Variants in CIPC observed in about 807,000 individuals in gnomAD.
The protein encoded by CIPC is CLOCK-interacting pacemaker.
A neutral mutation model predicts 26.7 loss-of-function variants in CIPC; 12 were observed. The observed-to-expected ratio is 0.45, with a 90% confidence interval of 0.29 to 0.73. The LOEUF is 0.73. Ranked by LOEUF, CIPC falls within the 30% of genes least tolerant of loss-of-function variation. The probability of loss-of-function intolerance (pLI) is 0.12; values close to 1 mark genes in which losing one functional copy is unlikely to be tolerated. For synonymous variants in CIPC, 170 were observed against 189.8 expected, an observed-to-expected ratio of 0.90 and a Z score of 0.86; for missense variants, 417 against 486.5, an observed-to-expected ratio of 0.86 and a Z score of 1.34.
intron 1 of CIPC, among the ~76,000 whole-genome samples, chr14:77,105,173 T>C (rs1886567685): frequency 6.6e-6 from 1 of 151,610 alleles, no homozygotes; most frequent in Non-Finnish European, 1.5e-5. Context: ...AACACAACAC[T>C]GTGGGAGGTG....
At chr14:77,108,958 G>C (rs1028536350) in intron 2 of CIPC, among the ~76,000 whole-genome samples, 1 of 151,964 alleles carries the variant, frequency 6.6e-6, no homozygotes, top group Non-Finnish European at 1.5e-5. Flanking sequence ...GCACTTCTTT[G>C]CTTTCTGGGA....
intron 1 of CIPC, among the ~76,000 whole-genome samples, chr14:77,102,289 G>A (rs569038568): frequency 3.3e-5 from 5 of 152,172 alleles, no homozygotes; most frequent in Admixed American, 1.3e-4. Context: ...TTTCTTTATG[G>A]CCAGGAAGTC....
Position 77,115,741 on chromosome 14 carries a change from A to C in CIPC, c.*1423A>C, listed in dbSNP as rs535826015. 1 of 151,112 alleles carries C rather than the reference A, an allele frequency of 6.6e-6. No individual in the cohort carries two copies. The highest frequency in any genetic ancestry group is 1.9e-4 in the East Asian group (1 of 5,148). The allele number at this position is 151,112 out of a possible 1,614,324, so 9.4% of individuals were successfully genotyped here. On this transcript the variant is annotated 3_prime_UTR_variant, in exon 4 of 4. Transcript: ENST00000361786. ...CGCTCTTGTTGCCCAGGCGGAGTACAATGGTGGGATCTCGGCTCACTGCAA... is the reference window on the plus strand; with the variant it reads ...CGCTCTTGTTGCCCAGGCGGAGTACCATGGTGGGATCTCGGCTCACTGCAA...
intron 1 of CIPC, among the ~76,000 whole-genome samples, chr14:77,104,878 T>C (rs1318256351): frequency 6.6e-6 from 1 of 152,218 alleles, no homozygotes; most frequent in African/African-American, 2.4e-5. Context: ...CCTTGCACAA[T>C]GCCTGATTTA....
chr14:77,113,287 A>G (rs1886739250), intron 3 of CIPC, 138 bp from the exon 4 acceptor site: 3 of 916,158 alleles, frequency 3.3e-6, no homozygotes, highest in Non-Finnish European at 5.2e-6. Flanking sequence ...TAGATGTTCA[A>G]ACCACTATGT....
At chr14:77,102,306 G>T (rs1217256811) in intron 1 of CIPC, among the ~76,000 whole-genome samples, 1 of 152,194 alleles carries the variant, frequency 6.6e-6, no homozygotes, top group Non-Finnish European at 1.5e-5. Context: ...AGTCGAGGCT[G>T]CAGTGAGCTG....
intron 2 of CIPC, among the ~76,000 whole-genome samples, chr14:77,107,870 T>G (rs1227667019): frequency 6.6e-6 from 1 of 152,196 alleles, no homozygotes; most frequent in Non-Finnish European, 1.5e-5. Context: ...TTATAGCTGT[T>G]TGTCTTTTTG....
At chr14:77,105,562 T>G in intron 1 of CIPC, 95 bp from the exon 2 acceptor site, 2 of 745,426 alleles carry the variant, frequency 2.7e-6, no homozygotes, top group Non-Finnish European at 4.3e-6. Flanking sequence ...CTGAAGTGGG[T>G]GAGGCCAGTG....
At chr14:77,113,246 T>A in intron 3 of CIPC, 179 bp from the exon 4 acceptor site, 1 of 700,820 alleles carries the variant, frequency 1.4e-6, no homozygotes, top group South Asian at 1.6e-5. Context: ...TTAGAAAAAG[T>A]TTAAAAAGTA....
intron 1 of CIPC, among the ~76,000 whole-genome samples, chr14:77,101,543 G>C (rs1044187258): frequency 1.3e-5 from 2 of 152,132 alleles, no homozygotes; most frequent in African/African-American, 2.4e-5. Flanking sequence ...TCTAAATTTA[G>C]CATCTGTTCT....
chr14:77,105,067 G>A (rs1288448154), intron 1 of CIPC, among the ~76,000 whole-genome samples: 6 of 152,206 alleles, frequency 3.9e-5, no homozygotes, highest in South Asian at 2.1e-4. Flanking sequence ...GCCCATAAAA[G>A]TGTTTTTTAA....
intron 1 of CIPC, among the ~76,000 whole-genome samples, chr14:77,102,602 C>T (rs1385732263): frequency 6.6e-6 from 1 of 152,122 alleles, no homozygotes; most frequent in Admixed American, 6.5e-5. Context: ...TGTTTTGCCG[C>T]AAGGATTGTA....
At chr14:77,104,504 G>A (rs758535013) in intron 1 of CIPC, among the ~76,000 whole-genome samples, 10 of 152,204 alleles carry the variant, frequency 6.6e-5, no homozygotes, top group Non-Finnish European at 1.3e-4. Context: ...TGGATTCCAA[G>A]GTATTGCCTG....
chr14:77,101,032 A>G (rs1886472913), intron 1 of CIPC, among the ~76,000 whole-genome samples: 1 of 152,348 alleles, frequency 6.6e-6, no homozygotes, highest in Admixed American at 6.5e-5. Flanking sequence ...ATGTGTTTGT[A>G]AAGCAGCGTG....
intron 1 of CIPC, among the ~76,000 whole-genome samples, chr14:77,101,137 A>C (rs977038238): frequency 1.3e-5 from 2 of 152,246 alleles, no homozygotes. Context: ...CAGTGTGAGC[A>C]TGTAACTTTA....
intron 2 of CIPC, 121 bp downstream of exon 2, chr14:77,105,965 C>A (rs1886584111): frequency 8.5e-7 from 1 of 1,170,672 alleles, no homozygotes; most frequent in Non-Finnish European, 1.2e-6. Context: ...TAAATACTTA[C>A]CTGCTTTAAA....
Position 77,105,966 on chromosome 14 carries a change from C to T in CIPC, c.136+122C>T, listed in dbSNP as rs776826656. The T allele has an allele frequency of 4.5e-4, 531 of 1,168,944 alleles. 1 individual carries two copies. The highest frequency in any genetic ancestry group is 5.3e-4 in the Non-Finnish European group (446 of 838,034). 72.4% of individuals were successfully genotyped at this position (1,168,944 alleles called of 1,614,324 possible). A position where few individuals can be genotyped will look rare whatever the true frequency, so the allele number is the denominator to read the frequency against. ...TTTCACACACAGGATAAATACTTAC[C>T]TGCTTTAAAATGGTAATTCTGATGC... On this transcript the variant is annotated intron_variant, in intron 2 of 3. Transcript: ENST00000361786.
Position 77,105,729 on chromosome 14 carries a change from C to A in CIPC, c.21C>A (p.Ser7=). 1 of 1,614,046 alleles carries A rather than the reference C, an allele frequency of 6.2e-7. No homozygotes were observed. The highest frequency in any genetic ancestry group is 8.5e-7 in the Non-Finnish European group (1 of 1,179,964). The change falls in exon 2 of 4, where the codon TCC becomes TCA. Residue 7 remains serine (S), a synonymous_variant. Coordinates refer to ENST00000361786, the MANE Select transcript of CIPC (RefSeq NM_033426.3). ...AAACCATGGAGAGGAAAAACCCATC[C>A]AGAGAGAGCCCCAGAAGACTCTCTG... MERKNP[S]RESPRRLSAK...
intron 2 of CIPC, 36 bp from the exon 3 acceptor site, chr14:77,109,776 G>A: frequency 6.3e-7 from 1 of 1,586,276 alleles, no homozygotes; most frequent in Non-Finnish European, 8.6e-7. Context: ...CCCTAGTCTA[G>A]AGCCTGAGTG....
Sources: gnomAD v4.1 joint callset for allele counts (sites outside exome capture counted in the v4.1 genomes callset) on GRCh38, gnomAD v4.1.1 for gene constraint, MANE v1.5 for transcripts, NCBI Gene and HGNC (gene_info 2026-07-23, HGNC 2026-07-21) for gene names.